Variants in C2CD4B observed in about 807,000 individuals in gnomAD.
The protein encoded by C2CD4B is C2 calcium dependent domain containing 4B.
For missense variants in C2CD4B, 644 were observed against 577.7 expected (o/e 1.11, Z -1.18); for synonymous variants, 347 against 284.9 (o/e 1.22, Z -2.20).
Position 62,163,563 on chromosome 15 carries a change from A to G in C2CD4B, c.*327T>C. On this transcript the variant is annotated 3_prime_UTR_variant, in exon 2 of 2. Transcript: ENST00000380392. ...GAATGAATAACTTGCTTTATTAAAA[A>G]AAAACTGTAACATTGATAGAAAACC... 1 of 293,500 alleles carries G rather than the reference A, an allele frequency of 3.4e-6. No homozygotes were observed. Among genetic ancestry groups the G allele is most frequent in the Non-Finnish European group, 6.2e-6 (1 of 160,558 alleles). The allele number at this position is 293,500 out of a possible 1,614,324, so 18.2% of individuals were successfully genotyped here. A position where few individuals can be genotyped will look rare whatever the true frequency, so the allele number is the denominator to read the frequency against.
rs1246811242 is a variant in C2CD4B at position 62,164,346 on chromosome 15, C to T, written c.639G>A (p.Ala213=). Residue 213 remains alanine, a synonymous_variant, in exon 2 of 2, where the codon GCG becomes GCA. Transcript: ENST00000380392. ...SSGNEDEERR[A]GSESPARAPS... is the part of the protein sequence containing the mutation. ...GGGCCCGGGCCGGGGACTCGGATCCCGCGCGGCGCTCCTCGTCCTCGTTCC... is the reference window on the plus strand; with the variant it reads ...GGGCCCGGGCCGGGGACTCGGATCCTGCGCGGCGCTCCTCGTCCTCGTTCC... 1 of 1,401,222 alleles carries T rather than the reference C, an allele frequency of 7.1e-7. No homozygotes were observed. Among genetic ancestry groups the T allele is most frequent in the Non-Finnish European group, 9.2e-7 (1 of 1,086,884 alleles). The allele number at this position is 1,401,222 out of a possible 1,614,324, so 86.8% of individuals were successfully genotyped here.
Position 62,164,772 on chromosome 15 carries a change from C to G in C2CD4B, c.213G>C (p.Glu71Asp). 1 of 1,483,020 alleles carries G rather than the reference C, an allele frequency of 6.7e-7. No individual in the cohort carries two copies. Among genetic ancestry groups the G allele is most frequent in the South Asian group, 1.3e-5 (1 of 77,230 alleles). The allele number at this position is 1,483,020 out of a possible 1,614,324, so 91.9% of individuals were successfully genotyped here. A position where few individuals can be genotyped will look rare whatever the true frequency, so the allele number is the denominator to read the frequency against. ...ESDLWPRAAD[E>D]DAGRTDWDPR... ...GGTCCCAGTCCGTGCGGCCGGCGTC[C>G]TCGTCTGCCGCGCGGGGCCACAGGT... The change falls in exon 2 of 2, where the codon GAG becomes GAC. Residue 71 changes from glutamate (E) to aspartate (D), a missense_variant. Coordinates refer to ENST00000380392, the MANE Select transcript of C2CD4B (RefSeq NM_001007595.3).
chr15:62,163,973 C>G lies in C2CD4B; in HGVS notation c.1012G>C (p.Ala338Pro). 6.3e-7 allele frequency: 1 copy of G among 1,595,708 alleles called. No homozygotes were observed. Among genetic ancestry groups the G allele is most frequent in the South Asian group, 1.1e-5 (1 of 88,310 alleles). The stretch of plus-strand genomic sequence containing the variant: ...TCCCGGCCGCGACCCTCATCCCGGG[C>G]CTTGACGCGAACGGCCAGGCGGCGC... ...EVRRLAVRVK[A>P]RDEGRGRDRG... The change falls in exon 2 of 2, where the codon GCC becomes CCC. Residue 338 changes from alanine to proline, a missense_variant. Ala to Pro is a conservative substitution (Grantham distance 27, BLOSUM62 -1). Coordinates refer to ENST00000380392, the MANE Select transcript of C2CD4B (RefSeq NM_001007595.3).
Sources: allele counts gnomAD v4.1 joint callset, GRCh38; gene constraint gnomAD v4.1.1; transcripts MANE v1.5; gene names NCBI Gene and HGNC (gene_info 2026-07-23, HGNC 2026-07-21).